Variants in DOCK8 observed in about 807,000 individuals in gnomAD.
DOCK8 encodes the protein dedicator of cytokinesis 8.
In DOCK8, 141 loss-of-function variants were observed where a neutral mutation model predicts 245.6. That is an observed-to-expected ratio of 0.57 (90% CI 0.50 to 0.66). The LOEUF (loss-of-function observed/expected upper bound fraction) is 0.66. Ranked by LOEUF, DOCK8 falls within the 30% of genes least tolerant of loss-of-function variation. The pLI, the probability that DOCK8 is intolerant of heterozygous loss-of-function variation, is 0.00. For synonymous variants in DOCK8, 1,168 were observed against 970.2 expected (o/e 1.20, Z -3.79); for missense variants, 2,965 against 2,603.4 (o/e 1.14, Z -3.02).
At position 297,330 on chromosome 9, in the gene DOCK8, G is replaced by C. The variant is rs147647678; in HGVS notation, c.405-7251G>C. On this transcript the variant is annotated intron_variant, in intron 4 of 47. Transcript: ENST00000432829. ...CCAGCGTCTGCACCCAGTTCCTTCT[G>C]ACTCTAGAGCCTGGATTCTGCTGGC... is the stretch of plus-strand genomic sequence containing the variant. 5.7e-3 allele frequency among the ~76,000 whole-genome samples: 864 copies of C among 152,302 alleles called. 10 individuals are homozygous for C. Among genetic ancestry groups the C allele is most frequent in the African/African-American group, 0.02 (826 of 41,560 alleles).
intron 30 of DOCK8, 56 bp from the exon 31 acceptor site, chr9:420,345 T>C (rs1483368507): frequency 1.2e-6 from 2 of 1,603,526 alleles, no homozygotes; most frequent in East Asian, 4.5e-5. Context: ...AGCCTCAAAT[T>C]TTTCTGTTGC....
At chr9:293,764 T>G (rs559309279) in intron 4 of DOCK8, among the ~76,000 whole-genome samples, 3 of 152,376 alleles carry the variant, frequency 2.0e-5, no homozygotes, top group Admixed American at 6.5e-5. Flanking sequence ...CATAAGTGGT[T>G]TACTAGAAAG....
rs770748316 is a variant in DOCK8, at chr9:339,081, C to T, written c.1498C>T (p.Arg500Ter). 3.1e-6 allele frequency: 5 copies of T among 1,613,914 alleles called. No homozygotes were observed. The highest frequency in any genetic ancestry group is 2.2e-5 in the South Asian group (2 of 91,092). ...CAAAAGATCATCATCCTTACAGAGA[C>T]GAGTCAAGTCAATTCCAGGTGTGAA... The part of the protein sequence containing the change: ...DYKRSSSLQR[R>*]VKSIPGLLRL... Residue 500 changes from arginine (R) to a stop codon, truncating the protein, a stop_gained, in exon 13 of 48, where the codon CGA becomes TGA. Coordinates refer to ENST00000432829, the MANE Select transcript of DOCK8 (RefSeq NM_203447.4). LOFTEE classifies it high-confidence loss of function.
chr9:426,399 AC>A (rs1450148068), intron 33 of DOCK8, among the ~76,000 whole-genome samples: 1 of 152,172 alleles, frequency 6.6e-6, no homozygotes, highest in Non-Finnish European at 1.5e-5. Flanking sequence ...CTCTCCCCTG[AC>A]TTGGCTCTGA....
At chr9:291,584 A>G (rs2049041232) in intron 4 of DOCK8, among the ~76,000 whole-genome samples, 1 of 152,162 alleles carries the variant, frequency 6.6e-6, no homozygotes, top group Non-Finnish European at 1.5e-5. Context: ...ATTTATACCA[A>G]AATTTATTTA....
intron 14 of DOCK8, among the ~76,000 whole-genome samples, chr9:367,298 C>T (rs1348730825): frequency 6.6e-6 from 1 of 152,160 alleles, no homozygotes; most frequent in Non-Finnish European, 1.5e-5. Context: ...ACTCCTGTGT[C>T]CTAGGCACTG....
At chr9:403,992 G>GTA (rs1210095258) in intron 26 of DOCK8, among the ~76,000 whole-genome samples, 13 of 68,464 alleles carry the variant, frequency 1.9e-4, no homozygotes, top group South Asian at 9.4e-4. Context: ...ATATATATAT[G>GTA]TGTATATATA....
At chr9:328,568 C>T (rs1042696964) in intron 9 of DOCK8, among the ~76,000 whole-genome samples, 1 of 152,166 alleles carries the variant, frequency 6.6e-6, no homozygotes, top group Non-Finnish European at 1.5e-5. Flanking sequence ...CCTCAGTGAC[C>T]TGGTGCAAAG....
intron 10 of DOCK8, among the ~76,000 whole-genome samples, chr9:333,007 A>G (rs1158809729): frequency 6.6e-6 from 1 of 152,012 alleles, no homozygotes; most frequent in Non-Finnish European, 1.5e-5. Context: ...TAATGTTGAC[A>G]TACAGCAAGG....
intron 1 of DOCK8, among the ~76,000 whole-genome samples, chr9:269,997 A>C (rs1446026103): frequency 6.6e-6 from 1 of 152,148 alleles, no homozygotes; most frequent in East Asian, 1.9e-4. Context: ...TACCAACAGC[A>C]TATGCGTGCT....
At chr9:298,543 A>G (rs182050909) in intron 4 of DOCK8, among the ~76,000 whole-genome samples, 410 of 152,194 alleles carry the variant, frequency 2.7e-3, no homozygotes, top group African/African-American at 9.6e-3. Flanking sequence ...CCTCATGTTC[A>G]TGCTTTACCC....
chr9:311,684 T>A (rs1408800252), intron 5 of DOCK8, among the ~76,000 whole-genome samples: 1 of 152,210 alleles, frequency 6.6e-6, no homozygotes, highest in Non-Finnish European at 1.5e-5. Flanking sequence ...AATGTAGTAC[T>A]GTTTTTAGTC....
intron 1 of DOCK8, among the ~76,000 whole-genome samples, chr9:248,529 C>A (rs543749758): frequency 2.3e-5 from 2 of 87,748 alleles, no homozygotes; most frequent in East Asian, 1.0e-3. Context: ...CCCTCCCTCT[C>A]TCTCTTTCTT....
intron 1 of DOCK8, among the ~76,000 whole-genome samples, chr9:218,196 A>G (rs1374459757): frequency 1.3e-5 from 2 of 152,242 alleles, no homozygotes; most frequent in Non-Finnish European, 2.9e-5. Flanking sequence ...TAGTACATTC[A>G]GCATGTGCTC....
Position 446,583 on chromosome 9 carries a change from A to T in DOCK8, c.5794A>T (p.Ile1932Phe). 1 of 1,614,218 alleles carries T rather than the reference A, an allele frequency of 6.2e-7. No individual in the cohort carries two copies. The highest frequency in any genetic ancestry group is 2.2e-5 in the East Asian group (1 of 44,878). Residue 1932 changes from isoleucine to phenylalanine, a missense_variant, in exon 44 of 48, where the codon ATC becomes TTC. Ile to Phe is a conservative substitution (Grantham distance 21). Coordinates refer to ENST00000432829, the MANE Select transcript of DOCK8 (RefSeq NM_203447.4). ...CGCCTTCCCCTACATCAAGACCAGG[A>T]TCAGCGTCATCCAGAAGGAGGAGGT... is the stretch of plus-strand genomic sequence containing the variant. ...MHAFPYIKTR[I>F]SVIQKEEFVL...
At chr9:399,036 A>G in intron 25 of DOCK8, 110 bp from the exon 26 acceptor site, 2 of 966,136 alleles carry the variant, frequency 2.1e-6, no homozygotes, top group Non-Finnish European at 3.2e-6. Context: ...ACCCAGAAGG[A>G]CAGTGGCTGA....
At chr9:359,706 G>C (rs188118407) in intron 14 of DOCK8, among the ~76,000 whole-genome samples, 2 of 150,528 alleles carry the variant, frequency 1.3e-5, no homozygotes, top group Non-Finnish European at 2.9e-5. Flanking sequence ...AGTAAAAAGC[G>C]CCAACCTTTT....
chr9:269,915 A>C (rs969310153), intron 1 of DOCK8, among the ~76,000 whole-genome samples: 1 of 152,136 alleles, frequency 6.6e-6, no homozygotes, highest in East Asian at 1.9e-4. Context: ...GCTGGGATAC[A>C]TGGGAGCTCT....
intron 3 of DOCK8, among the ~76,000 whole-genome samples, chr9:287,801 G>T (rs187186542): frequency 6.6e-6 from 1 of 152,296 alleles, no homozygotes; most frequent in East Asian, 1.9e-4. Flanking sequence ...CTTTAGTGAA[G>T]AATCATTTAA....
Sources: allele counts gnomAD v4.1 joint callset (sites outside exome capture counted in the v4.1 genomes callset), GRCh38; gene constraint gnomAD v4.1.1; transcripts MANE v1.5; gene names NCBI Gene and HGNC (gene_info 2026-07-23, HGNC 2026-07-21).